Variants in AADACL2 observed in about 807,000 individuals in gnomAD.
AADACL2 encodes arylacetamide deacetylase-like 2.
Under a neutral mutation model 22.3 loss-of-function variants are expected in AADACL2, and 23 were observed. That is an observed-to-expected ratio of 1.03 (90% confidence interval 0.74 to 1.46). The LOEUF is 1.46. Among genes scored for constraint, AADACL2 ranks in the 40% most tolerant of loss-of-function variants. The probability of loss-of-function intolerance (pLI) is 0.00; values close to 1 mark genes in which losing one functional copy is unlikely to be tolerated. For synonymous variants in AADACL2, 177 were observed against 166.2 expected, an observed-to-expected ratio of 1.07 and a Z score of -0.50; for missense variants, 472 against 482.9, an observed-to-expected ratio of 0.98 and a Z score of 0.21.
intron 4 of AADACL2, among the ~76,000 whole-genome samples, chr3:151,753,799 C>A (rs1713768889): frequency 6.6e-6 from 1 of 152,038 alleles, no homozygotes; most frequent in Non-Finnish European, 1.5e-5. Context: ...TTGAATAACA[C>A]ACACTCAAAC....
At chr3:151,752,860 C>G (rs1713721406) in intron 4 of AADACL2, among the ~76,000 whole-genome samples, 1 of 152,108 alleles carries the variant, frequency 6.6e-6, no homozygotes, top group Non-Finnish European at 1.5e-5. Flanking sequence ...TCTAAATACA[C>G]TTTTGTTTCT....
intron 4 of AADACL2, among the ~76,000 whole-genome samples, chr3:151,746,463 T>G (rs1347923801): frequency 6.6e-6 from 1 of 151,822 alleles, no homozygotes; most frequent in Non-Finnish European, 1.5e-5. Context: ...TTAATTTTTC[T>G]TTTATTATTG....
At chr3:151,747,475 T>C (rs1713492015) in intron 4 of AADACL2, among the ~76,000 whole-genome samples, 1 of 152,120 alleles carries the variant, frequency 6.6e-6, no homozygotes, top group Non-Finnish European at 1.5e-5. Flanking sequence ...TTTAACTTTC[T>C]TAGGTTCTAC....
chr3:151,734,246 C>A, intron 1 of AADACL2, 73 bp downstream of exon 1: 2 of 1,466,064 alleles, frequency 1.4e-6, no homozygotes, highest in African/African-American at 1.4e-5. Context: ...CTTATGAACT[C>A]TTTTATTAAT....
intron 1 of AADACL2, among the ~76,000 whole-genome samples, chr3:151,739,384 G>C (rs1313679818): frequency 6.6e-6 from 1 of 152,122 alleles, no homozygotes; most frequent in Non-Finnish European, 1.5e-5. Context: ...ATCCCAGAGG[G>C]GCACCAGCTT....
At chr3:151,744,337 G>C (rs1485604591) in intron 3 of AADACL2, among the ~76,000 whole-genome samples, 175 bp downstream of exon 3, 1 of 151,990 alleles carries the variant, frequency 6.6e-6, no homozygotes, top group Non-Finnish European at 1.5e-5. Flanking sequence ...TTATTTTTCT[G>C]TGATTGTGAG....
rs1389784234 is a variant in AADACL2 at position 151,733,969 on chromosome 3, G to A, written c.-67G>A. 2 of 1,485,140 alleles carry A rather than the reference G, an allele frequency of 1.3e-6. No homozygotes were observed. Among genetic ancestry groups the A allele is most frequent in the Admixed American group, 2.3e-5 (1 of 42,794 alleles). The allele number at this position is 1,485,140 out of a possible 1,614,324, so 92.0% of individuals were successfully genotyped here. On this transcript the variant is annotated 5_prime_UTR_variant, in exon 1 of 5. Coordinates refer to ENST00000356517, the MANE Select transcript of AADACL2 (RefSeq NM_207365.4). ...TCCCAAGTCTACAATTGCTCTACTA[G>A]TTACTATTCAGTGTTTGTGAAAAAT...
At position 151,757,398 on chromosome 3, in the gene AADACL2, C is replaced by T. The variant is rs1353816521; in HGVS notation, c.1010C>T (p.Thr337Ile). ...LQNLPLTYIL[T>I]CQHDLLRDDG... The stretch of plus-strand genomic sequence containing the variant: ...AATTTGCCACTAACCTATATTCTTA[C>T]TTGTCAACATGATCTCTTAAGAGAT... Residue 337 changes from threonine to isoleucine, a missense_variant, in exon 5 of 5, where the codon ACT becomes ATT. Transcript: ENST00000356517. 1.2e-6 allele frequency: 2 copies of T among 1,613,612 alleles called. No homozygotes were observed. Among genetic ancestry groups the T allele is most frequent in the African/African-American group, 1.3e-5 (1 of 74,908 alleles).
At chr3:151,738,429 T>A (rs1211772984) in intron 1 of AADACL2, among the ~76,000 whole-genome samples, 1 of 152,208 alleles carries the variant, frequency 6.6e-6, no homozygotes. Context: ...CCTTTACATT[T>A]TTCCTTTGTT....
intron 1 of AADACL2, among the ~76,000 whole-genome samples, chr3:151,736,670 T>C (rs1204395160): frequency 1.3e-5 from 2 of 152,166 alleles, no homozygotes; most frequent in Non-Finnish European, 2.9e-5. Context: ...CTTTTTATGG[T>C]TGTATAGTAT....
chr3:151,755,830 T>A (rs1441940200), intron 4 of AADACL2, among the ~76,000 whole-genome samples: 1 of 152,118 alleles, frequency 6.6e-6, no homozygotes, highest in Non-Finnish European at 1.5e-5. Context: ...GAGAGTAGGA[T>A]GACTGAGGGT....
At chr3:151,739,704 G>A (rs1247798205) in intron 1 of AADACL2, among the ~76,000 whole-genome samples, 2 of 152,186 alleles carry the variant, frequency 1.3e-5, no homozygotes, top group Non-Finnish European at 2.9e-5. Context: ...TTTCAGAGAT[G>A]CCCTGTCAAG....
intron 2 of AADACL2, among the ~76,000 whole-genome samples, 184 bp from the exon 3 acceptor site, chr3:151,743,909 C>T (rs1341181843): frequency 6.6e-6 from 1 of 151,842 alleles, no homozygotes; most frequent in African/African-American, 2.4e-5. Context: ...GAAAGAGTGG[C>T]TGAAAAGACT....
rs1389301424 is a variant in AADACL2, at chr3:151,740,776, C to G, written c.269C>G (p.Pro90Arg). 2.7e-5 allele frequency: 43 copies of G among 1,613,808 alleles called. No homozygotes were observed. Among genetic ancestry groups the G allele is most frequent in the Non-Finnish European group, 3.4e-5 (40 of 1,179,920 alleles). ...ACTGATACAACATTTGTTGACATTC[C>G]AGTACGATTGTACTTGCCAAAAAGA... ...TVTDTTFVDI[P>R]VRLYLPKRKS... is the part of the protein sequence containing the mutation. Residue 90 changes from proline (P) to arginine (R), a missense_variant, in exon 2 of 5, where the codon CCA (proline) becomes CGA (arginine). By Grantham distance (103) the Pro-to-Arg change is moderately radical (BLOSUM62 -2). This residue lies in a region of AADACL2 where 356 missense variants were observed against 365.5 expected (regional missense o/e 0.97). Coordinates refer to ENST00000356517, the MANE Select transcript of AADACL2 (RefSeq NM_207365.4).
intron 4 of AADACL2, among the ~76,000 whole-genome samples, chr3:151,746,607 G>A (rs1391561605): frequency 3.3e-5 from 5 of 151,732 alleles, no homozygotes; most frequent in Non-Finnish European, 2.9e-5. Flanking sequence ...GTCAGATTGA[G>A]GAACTTATTT....
intron 4 of AADACL2, among the ~76,000 whole-genome samples, chr3:151,754,665 G>A (rs184234245): frequency 1.2e-4 from 18 of 152,086 alleles, no homozygotes; most frequent in African/African-American, 4.1e-4. Context: ...GCTATCCAAA[G>A]GTCTTTATTA....
At chr3:151,744,403 G>A (rs187052792) in intron 3 of AADACL2, among the ~76,000 whole-genome samples, 33 of 152,162 alleles carry the variant, frequency 2.2e-4, no homozygotes, top group Middle Eastern at 3.4e-3. Flanking sequence ...CTCTAGACAC[G>A]TAAGACTCAG....
rs549713349 is a variant in AADACL2 at position 151,748,706 on chromosome 3, G to A, written c.603+3026G>A. ...GATTTCTTTGCACATGCAGATACCC[G>A]GTTCTCTTTCATGAGTTAAAGCAGC... On this transcript the variant is annotated intron_variant, in intron 4 of 4. Transcript: ENST00000356517. Among the ~76,000 whole-genome samples, 6 of 152,186 alleles carry A rather than the reference G, an allele frequency of 3.9e-5. No individual in the cohort carries two copies. The South Asian group carries it at 6.2e-4, about 16-fold the overall frequency.
rs188428148 is a variant in AADACL2, at chr3:151,754,860, A to G, written c.604-2132A>G. Among the ~76,000 whole-genome samples, 538 of 152,256 alleles carry G rather than the reference A, an allele frequency of 3.5e-3. 1 individual carries two copies. The highest frequency in any genetic ancestry group is 6.3e-3 in the Non-Finnish European group (430 of 68,004). The stretch of plus-strand genomic sequence containing the variant: ...GTCACATTTTTTTGCACTCAAGTAC[A>G]TATCAGTTACCCACAAAATCAGAAA... On this transcript the variant is annotated intron_variant, in intron 4 of 4. Coordinates refer to ENST00000356517, the MANE Select transcript of AADACL2 (RefSeq NM_207365.4).
Sources: gnomAD v4.1 joint callset for allele counts (sites outside exome capture counted in the v4.1 genomes callset) on GRCh38, gnomAD v4.1.1 for gene constraint, gnomAD v4.1.1 regional missense constraint, MANE v1.5 for transcripts, NCBI Gene and HGNC (gene_info 2026-07-23, HGNC 2026-07-21) for gene names.